The following EMC1 variants were observed in gnomAD, a reference collection of about 807,000 sequenced individuals.
The protein encoded by EMC1 is ER membrane protein complex subunit 1.
A neutral mutation model predicts 128.8 loss-of-function variants in EMC1; 103 were observed. The ratio of observed to expected loss-of-function variants is 0.80; its 90% confidence interval spans 0.68 to 0.94. EMC1 has a LOEUF of 0.94. EMC1 is among the 40% of genes least tolerant of loss of function. The pLI is 0.00. For synonymous variants in EMC1, 442 were observed against 490.4 expected (o/e 0.90, Z 1.30); for missense variants, 1,083 against 1,250.6 (o/e 0.87, Z 2.02).
intron 20 of EMC1, chr1:19,221,161 T>C (rs1023432360): frequency 4.8e-6 from 1 of 209,722 alleles, no homozygotes; most frequent in East Asian, 1.3e-4. Flanking sequence ...CCCCGGGGCC[T>C]CCCTCCCATA....
Position 19,243,928 on chromosome 1 carries a change from GAC to G in EMC1, c.286+20_286+21del. The G allele has an allele frequency of 6.2e-7, 1 of 1,613,128 alleles. No homozygotes were observed. The highest frequency in any genetic ancestry group is 8.5e-7 in the Non-Finnish European group (1 of 1,179,202). On this transcript the variant is annotated intron_variant, in intron 3 of 22. Transcript: ENST00000477853. ...GACAGGGAGCTGGCCGCACAATGGA[GAC>G]ACGGGAGGACTCTGCTTACCCTGTC...
At chr1:19,245,925 C>G (rs1274511777) in intron 1 of EMC1, among the ~76,000 whole-genome samples, 2 of 152,056 alleles carry the variant, frequency 1.3e-5, no homozygotes, top group African/African-American at 4.8e-5. Flanking sequence ...CCACGCCCGA[C>G]TGAGATCACA....
At position 19,231,379 on chromosome 1, in the gene EMC1, C is replaced by G. The variant is rs1214845365; in HGVS notation, c.1826G>C (p.Gly609Ala). The change falls in exon 16 of 23, where the codon GGG (glycine) becomes GCG (alanine). Residue 609 changes from glycine (G) to alanine (A), a missense_variant. Around this residue, in one of 3 missense-constraint regions of EMC1, gnomAD observed 527 missense variants for 644.1 expected, o/e 0.82. Coordinates refer to ENST00000477853, the MANE Select transcript of EMC1 (RefSeq NM_015047.3). ...SSLYVFNPIF[G>A]KWSQVAPPVL... ...TGGGGGAGCTACCTGACTCCACTTC[C>G]CAAAAATGGGATTGAAGACATACAG... is the stretch of plus-strand genomic sequence containing the variant. The G allele has an allele frequency of 1.2e-6, 2 of 1,611,674 alleles. No homozygotes were observed. The highest frequency in any genetic ancestry group is 3.4e-5 in the Admixed American group (2 of 59,068).
rs1480470123 is a variant in EMC1, at chr1:19,219,786, G to A, written c.2673-88C>T. 3 of 1,495,110 alleles carry A rather than the reference G, an allele frequency of 2.0e-6. No individual in the cohort carries two copies. The African/African-American group carries it at 4.1e-5, about 21-fold the overall frequency. The allele number at this position is 1,495,110 out of a possible 1,614,324, so 92.6% of individuals were successfully genotyped here. ...CTTCCTGAGTCCTGGGAGGTTTCCA[G>A]GCTACATATCTAGCCTCAAATCTCC... On this transcript the variant is annotated intron_variant, in intron 21 of 22. Coordinates refer to ENST00000477853, the MANE Select transcript of EMC1 (RefSeq NM_015047.3).
rs189816459 is a variant in EMC1, at chr1:19,228,971, G to A, written c.2065-1521C>T. Among the ~76,000 whole-genome samples, 67 of 152,294 alleles carry A rather than the reference G, an allele frequency of 4.4e-4. 1 individual carries two copies. Among genetic ancestry groups the A allele is most frequent in the Admixed American group, 4.2e-3 (65 of 15,296 alleles). ...AGGCAGGAGAATCGCTTGAAACCAG[G>A]AGGCAGAGGTTGCAGTGAGCTGAGA... On this transcript the variant is annotated intron_variant, in intron 17 of 22. Transcript: ENST00000477853.
rs764207948 is a variant in EMC1, at chr1:19,223,378, C to T, written c.2376+18G>A. The T allele has an allele frequency of 1.2e-6, 2 of 1,610,568 alleles. No individual in the cohort carries two copies. Among genetic ancestry groups the T allele is most frequent in the Non-Finnish European group, 1.7e-6 (2 of 1,177,108 alleles). On this transcript the variant is annotated intron_variant, in intron 19 of 22. Coordinates refer to ENST00000477853, the MANE Select transcript of EMC1 (RefSeq NM_015047.3). ...AGACCTCTGGAGCTACCTTGGGTCC[C>T]TGGTAGTGACCGCTTACCACCACCC...
In EMC1 at chr1:19,218,240, A is replaced by T. The variant is rs887179740; in HGVS notation, c.*1063T>A. 3.9e-5 allele frequency: 6 copies of T among 152,226 alleles called. No homozygotes were observed. The highest frequency in any genetic ancestry group is 7.3e-5 in the Non-Finnish European group (5 of 68,042). 9.4% of individuals were successfully genotyped at this position (152,226 alleles called of 1,614,324 possible). On this transcript the variant is annotated 3_prime_UTR_variant, in exon 23 of 23. Transcript: ENST00000477853. ...AAGGAAAACTTTTAGGATTTCTTTA[A>T]TTTGTAGCAGAGACACAGTGGCCTA...
chr1:19,222,937 G>C (rs2093443387), intron 19 of EMC1, 103 bp from the exon 20 acceptor site: 3 of 821,590 alleles, frequency 3.7e-6, no homozygotes, highest in South Asian at 1.9e-5. Context: ...GATCCATGAA[G>C]GAGAACCATC....
At chr1:19,227,069 A>G (rs374203196) in intron 18 of EMC1, among the ~76,000 whole-genome samples, 1 of 152,172 alleles carries the variant, frequency 6.6e-6, no homozygotes, top group African/African-American at 2.4e-5. Flanking sequence ...AATAAGAGCT[A>G]ACATCTGTTG....
At chr1:19,239,765 C>CATCTAG in intron 8 of EMC1, 53 bp downstream of exon 8, 1 of 1,569,348 alleles carries the variant, frequency 6.4e-7, no homozygotes, top group Non-Finnish European at 8.7e-7. Flanking sequence ...TTCTAGCATC[C>CATCTAG]ATGTCTTGGA....
At position 19,219,236 on chromosome 1, in the gene EMC1, G is replaced by T; in HGVS notation, c.*67C>A. ...ACATACTCCACCAATCCACCAAACTGCAGCTGTAGCTGCTTATCTGACCCA... is the reference window on the plus strand; with the variant it reads ...ACATACTCCACCAATCCACCAAACTTCAGCTGTAGCTGCTTATCTGACCCA... On this transcript the variant is annotated 3_prime_UTR_variant, in exon 23 of 23. Coordinates refer to ENST00000477853, the MANE Select transcript of EMC1 (RefSeq NM_015047.3). 7 of 1,519,844 alleles carry T rather than the reference G, an allele frequency of 4.6e-6. No homozygotes were observed. The highest frequency in any genetic ancestry group is 6.4e-6 in the Non-Finnish European group (7 of 1,100,428). 94.1% of individuals were successfully genotyped at this position (1,519,844 alleles called of 1,614,324 possible). A position where few individuals can be genotyped will look rare whatever the true frequency, so the allele number is the denominator to read the frequency against.
Position 19,251,519 on chromosome 1 carries a change from G to A in EMC1, c.-10C>T. 1.9e-6 allele frequency: 3 copies of A among 1,613,620 alleles called. No individual in the cohort carries two copies. Among genetic ancestry groups the A allele is most frequent in the South Asian group, 1.1e-5 (1 of 91,080 alleles). ...CCCACTCAGCCGCCATGATGCGAGC[G>A]CATGCACCACCCACCGCCGTCCCGG... On this transcript the variant is annotated 5_prime_UTR_variant, in exon 1 of 23. Coordinates refer to ENST00000477853, the MANE Select transcript of EMC1 (RefSeq NM_015047.3).
intron 5 of EMC1, among the ~76,000 whole-genome samples, chr1:19,241,520 TTG>T (rs2093605783): frequency 6.6e-6 from 1 of 152,018 alleles, no homozygotes; most frequent in Non-Finnish European, 1.5e-5. Context: ...ATTTTCTTTG[TTG>T]TGTTTTTTTT....
intron 6 of EMC1, 118 bp from the exon 7 acceptor site, chr1:19,240,564 A>G (rs2093599436): frequency 1.7e-6 from 2 of 1,189,488 alleles, no homozygotes. Context: ...AAGGTTCTTC[A>G]TGGTTGGTTG....
intron 17 of EMC1, among the ~76,000 whole-genome samples, chr1:19,229,565 G>GTCCC (rs1185905881): frequency 6.6e-6 from 1 of 152,094 alleles, no homozygotes; most frequent in South Asian, 2.1e-4. Context: ...CTACAAAACT[G>GTCCC]TCTCTTTCAA....
chr1:19,219,806 A>C, intron 21 of EMC1, 108 bp from the exon 22 acceptor site: 1 of 1,284,008 alleles, frequency 7.8e-7, no homozygotes, highest in African/African-American at 1.5e-5. Flanking sequence ...CTAGCCTCAA[A>C]TCTCCTAGGA....
At chr1:19,237,309 A>G in intron 11 of EMC1, 71 bp from the exon 12 acceptor site, 1 of 1,065,586 alleles carries the variant, frequency 9.4e-7, no homozygotes, top group Non-Finnish European at 1.5e-6. Flanking sequence ...AGACCCCAGG[A>G]GTCAAAGCCT....
chr1:19,220,905 C>T, intron 20 of EMC1, 57 bp from the exon 21 acceptor site: 4 of 1,262,600 alleles, frequency 3.2e-6, no homozygotes, highest in East Asian at 4.7e-5. Context: ...GGGCCAGTTA[C>T]AAAAATGTCA....
At position 19,216,105 on chromosome 1, in the gene EMC1, C is replaced by T. The variant is rs1418149962; in HGVS notation, c.*3198G>A. 6.6e-6 allele frequency: 1 copy of T among 152,132 alleles called. No homozygotes were observed. The highest frequency in any genetic ancestry group is 1.9e-4 in the East Asian group (1 of 5,180). The allele number at this position is 152,132 out of a possible 1,614,324, so 9.4% of individuals were successfully genotyped here. On this transcript the variant is annotated 3_prime_UTR_variant, in exon 23 of 23. Transcript: ENST00000477853. ...ACAATTTATGGGCCAGGTGCAGTAG[C>T]TCATGCCTGTAATCCCGGCACTTTG...
Sources: allele counts gnomAD v4.1 joint callset (sites outside exome capture counted in the v4.1 genomes callset), GRCh38; gene constraint gnomAD v4.1.1; regional missense constraint gnomAD v4.1.1; transcripts MANE v1.5; gene names NCBI Gene and HGNC (gene_info 2026-07-23, HGNC 2026-07-21).